HIVEP1: variants seen among roughly 807,000 people sequenced by gnomAD.
The protein encoded by HIVEP1 is HIVEP zinc finger 1, also known as zinc finger protein 40.
A neutral mutation model predicts 180.0 loss-of-function variants in HIVEP1; 36 were observed. The observed-to-expected ratio is 0.20, with a 90% CI of 0.15 to 0.26. The LOEUF is 0.26. Among genes scored for constraint, HIVEP1 ranks in the 10% least tolerant of loss-of-function variants. HIVEP1 has a pLI of 1.00. For missense variants in HIVEP1, 3,143 were observed against 3,268.7 expected (o/e 0.96, Z 0.94); for synonymous variants, 1,239 against 1,239.0 (o/e 1.00, Z 0.00).
chr6:12,164,411 A>T lies in HIVEP1; in HGVS notation c.8107A>T (p.Ser2703Cys). ...GCGGAGGCAGCCCACTGTGCACTTC[A>T]GCGACGTGAGCAGCGATGATGACGA... ...LPRRQPTVHF[S>C]DVSSDDDEDR... Residue 2703 changes from serine to cysteine, a missense_variant, in exon 9 of 9, where the codon AGC (serine) becomes TGC (cysteine). Transcript: ENST00000379388. 6.2e-7 allele frequency: 1 copy of T among 1,613,918 alleles called. No individual in the cohort carries two copies. Among genetic ancestry groups the T allele is most frequent in the Non-Finnish European group, 8.5e-7 (1 of 1,179,964 alleles).
upstream of HIVEP1, among the ~76,000 whole-genome samples, chr6:12,011,277 C>CG (rs1192831839): frequency 3.6e-5 from 4 of 111,590 alleles, no homozygotes; most frequent in Non-Finnish European, 7.7e-5. Flanking sequence ...GGGTCCCCCC[C>CG]CCCCCCCGCC....
At chr6:12,065,316 A>G (rs1651266059) in intron 2 of HIVEP1, among the ~76,000 whole-genome samples, 1 of 152,198 alleles carries the variant, frequency 6.6e-6, no homozygotes, top group Non-Finnish European at 1.5e-5. Context: ...CAGACATGAA[A>G]CAAGCAAGGT....
At chr6:12,102,306 A>G (rs1774158289) in intron 3 of HIVEP1, among the ~76,000 whole-genome samples, 1 of 152,214 alleles carries the variant, frequency 6.6e-6, no homozygotes, top group Admixed American at 6.5e-5. Flanking sequence ...TCCAGTATAC[A>G]TGGAATATTC....
intron 3 of HIVEP1, among the ~76,000 whole-genome samples, chr6:12,104,425 C>CTTTTTTTTTTTTTTTT (rs70981665): frequency 2.7e-5 from 2 of 72,790 alleles, no homozygotes; most frequent in Non-Finnish European, 4.9e-5. Context: ...CTTTTCTTTC[C>CTTTTTTTTTTTTTTTT]TTTTTTTTTT....
chr6:12,073,718 T>G (rs1349279518), intron 2 of HIVEP1, among the ~76,000 whole-genome samples: 1 of 152,222 alleles, frequency 6.6e-6, no homozygotes, highest in Non-Finnish European at 1.5e-5. Flanking sequence ...TAGTCTCATA[T>G]AGGCTATTCT....
chr6:12,162,237 A>T (rs1581812876), intron 8 of HIVEP1, among the ~76,000 whole-genome samples: 1 of 136,864 alleles, frequency 7.3e-6, no homozygotes. Context: ...AAAAAAAAAA[A>T]CGTGACAGTG....
chr6:12,141,195 AAG>A (rs1389316670), intron 7 of HIVEP1, among the ~76,000 whole-genome samples: 1 of 152,188 alleles, frequency 6.6e-6, no homozygotes, highest in Non-Finnish European at 1.5e-5. Flanking sequence ...TACAAGCCAG[AAG>A]AGAGTGGGGG....
chr6:12,187,593 CTTTT>C, the HIVEP1 span, among the ~76,000 whole-genome samples: 15 of 139,964 alleles, frequency 1.1e-4, no homozygotes, highest in African/African-American at 3.2e-4. Context: ...CCAAATAAAT[CTTTT>C]TTTTTTTTTT....
intron 4 of HIVEP1, among the ~76,000 whole-genome samples, chr6:12,127,725 C>T (rs1758170620): frequency 6.6e-6 from 1 of 152,174 alleles, no homozygotes; most frequent in African/African-American, 2.4e-5. Flanking sequence ...AGTCCACACT[C>T]CTGTATGGAA....
intron 2 of HIVEP1, among the ~76,000 whole-genome samples, chr6:12,043,605 G>A (rs184462390): frequency 6.6e-6 from 1 of 152,250 alleles, no homozygotes; most frequent in African/African-American, 2.4e-5. Flanking sequence ...GACCTCAGGT[G>A]ATCCACCTGC....
chr6:12,121,923 T>G lies in HIVEP1; in HGVS notation c.2128T>G (p.Ser710Ala). 6.2e-7 allele frequency: 1 copy of G among 1,614,186 alleles called. No individual in the cohort carries two copies. Among genetic ancestry groups the G allele is most frequent in the Non-Finnish European group, 8.5e-7 (1 of 1,180,012 alleles). Residue 710 changes from serine (S) to alanine (A), a missense_variant, in exon 4 of 9, where the codon TCT becomes GCT. Transcript: ENST00000379388. This position sits in a 1 kb window ranked among gnomAD's most constrained non-coding sequence, Gnocchi z 5.3. Reference sequence around the variant, plus strand: ...AGACTCTGGAAGGAGTAACGGACCCTCTGCAGCTCTTGTCACCACGTCAAC... The same window carrying G: ...AGACTCTGGAAGGAGTAACGGACCCGCTGCAGCTCTTGTCACCACGTCAAC... ...EQDSGRSNGP[S>A]AALVTTSTPS...
At chr6:12,151,638 C>T (rs1457336083) in intron 7 of HIVEP1, among the ~76,000 whole-genome samples, 1 of 152,118 alleles carries the variant, frequency 6.6e-6, no homozygotes, top group South Asian at 2.1e-4. Context: ...TAGGTTTAAA[C>T]CTGGAGGGTG....
In HIVEP1 at chr6:12,153,678, G is replaced by C. The variant is rs946426986; in HGVS notation, c.6488-7761G>C. Among the ~76,000 whole-genome samples, 12 of 151,504 alleles carry C rather than the reference G, an allele frequency of 7.9e-5. 1 individual carries two copies. The highest frequency in any genetic ancestry group is 7.2e-4 in the Admixed American group (11 of 15,178). On this transcript the variant is annotated intron_variant, in intron 7 of 8. Transcript: ENST00000379388. ...AGTGAATTGGGGTGAAATTTCCTGT[G>C]CTTCCAAGTTAACCAGTAGAAGTGT...
In HIVEP1 at chr6:12,163,934, C is replaced by G; in HGVS notation, c.7630C>G (p.Leu2544Val). The change falls in exon 9 of 9, where the codon CTC (leucine) becomes GTC (valine). Residue 2544 changes from leucine (L) to valine (V), a missense_variant. Leu to Val is a conservative substitution (Grantham distance 32). This residue lies in a region of HIVEP1 where 595 missense variants were observed against 602.2 expected (regional missense o/e 0.99). Transcript: ENST00000379388. Reference sequence around the variant, plus strand: ...CGCCCCTCAGGCACACATTCCAGGTCTCCAGATCTTGAACATAGCATTGCC... The same window carrying G: ...CGCCCCTCAGGCACACATTCCAGGTGTCCAGATCTTGAACATAGCATTGCC... ...SPAPQAHIPGLQILNIALPTL... is the reference protein window; with the variant it reads ...SPAPQAHIPGVQILNIALPTL... 6.2e-7 allele frequency: 1 copy of G among 1,614,136 alleles called. No homozygotes were observed. The highest frequency in any genetic ancestry group is 8.5e-7 in the Non-Finnish European group (1 of 1,180,034).
At chr6:12,115,636 G>A (rs573779075) in intron 3 of HIVEP1, among the ~76,000 whole-genome samples, 10 of 152,144 alleles carry the variant, frequency 6.6e-5, no homozygotes, top group Admixed American at 2.6e-4. Flanking sequence ...AGTTTTCAGT[G>A]GCTGCCTGAC....
At chr6:12,112,311 C>T in intron 3 of HIVEP1, among the ~76,000 whole-genome samples, 1 of 152,034 alleles carries the variant, frequency 6.6e-6, no homozygotes, top group Non-Finnish European at 1.5e-5. Context: ...TGGCTGCTTT[C>T]AGGATTTTCT....
At chr6:12,197,538 G>A in the HIVEP1 span, among the ~76,000 whole-genome samples, 3 of 136,178 alleles carry the variant, frequency 2.2e-5, no homozygotes, top group Admixed American at 8.0e-5. Context: ...GGACAACAGA[G>A]TGAGAGACTG....
chr6:12,108,640 C>A (rs1774646352), intron 3 of HIVEP1, among the ~76,000 whole-genome samples: 1 of 152,192 alleles, frequency 6.6e-6, no homozygotes, highest in African/African-American at 2.4e-5. Context: ...GGGTGCTAAG[C>A]CCCTCATTGC....
At position 12,164,323 on chromosome 6, in the gene HIVEP1, A is replaced by G; in HGVS notation, c.8019A>G (p.Thr2673=). The G allele has an allele frequency of 1.9e-6, 3 of 1,614,064 alleles. No individual in the cohort carries two copies. The highest frequency in any genetic ancestry group is 2.5e-6 in the Non-Finnish European group (3 of 1,180,010). The change falls in exon 9 of 9, where the codon ACA becomes ACG. Residue 2673 remains threonine, a synonymous_variant. Transcript: ENST00000379388. ...TGAAGGCACATTCTGAAGTTTTTAC[A>G]AAGCCCTCAGGCCAGCAGACTCTCT... is the stretch of plus-strand genomic sequence containing the variant. The part of the protein sequence containing the change: ...PLLKAHSEVF[T]KPSGQQTLSP...
Sources: gnomAD v4.1 joint callset for allele counts (sites outside exome capture counted in the v4.1 genomes callset) on GRCh38, gnomAD v4.1.1 for gene constraint, gnomAD v4.1.1 regional missense constraint, Gnocchi (gnomAD v3.1) non-coding constraint, MANE v1.5 for transcripts, NCBI Gene and HGNC (gene_info 2026-07-23, HGNC 2026-07-21) for gene names.